The following VPS13D variants were observed in gnomAD, a reference collection of about 807,000 sequenced individuals.
VPS13D encodes vacuolar protein sorting 13 homolog D.
In VPS13D, 187 loss-of-function variants were observed where a neutral mutation model predicts 461.9. That is an observed-to-expected ratio of 0.40 (90% CI 0.36 to 0.46). The LOEUF (loss-of-function observed/expected upper bound fraction) is 0.46. Ranked by LOEUF, VPS13D falls within the 20% of genes least tolerant of loss-of-function variation. The probability of loss-of-function intolerance (pLI) is 0.60; values close to 1 mark genes in which losing one functional copy is unlikely to be tolerated. For missense variants in VPS13D, 4,711 were observed against 5,364.9 expected (o/e 0.88, Z 3.81); for synonymous variants, 1,951 against 1,986.3 (o/e 0.98, Z 0.47).
intron 60 of VPS13D, among the ~76,000 whole-genome samples, chr1:12,398,355 T>G (rs536576432): frequency 6.6e-6 from 1 of 151,722 alleles, no homozygotes; most frequent in South Asian, 2.1e-4. Context: ...GTAGTTTAAC[T>G]TTTTTTTCTT....
chr1:12,296,790 C>T (rs555953115), intron 24 of VPS13D, among the ~76,000 whole-genome samples: 34 of 152,110 alleles, frequency 2.2e-4, no homozygotes, highest in African/African-American at 8.2e-4. Flanking sequence ...TTGTTGTGTG[C>T]ATTTAAAACA....
rs189243687 is a variant in VPS13D, at chr1:12,406,008, G to A, written c.12030+2035G>A. ...TGTGTGCGCTCGGCATACAATCAAC[G>A]AAATCATTTCAGTTGAATGTTTCAT... is the stretch of plus-strand genomic sequence containing the variant. On this transcript the variant is annotated intron_variant, in intron 63 of 69. Coordinates refer to ENST00000620676, the MANE Select transcript of VPS13D (RefSeq NM_015378.4). Among the ~76,000 whole-genome samples, 440 of 152,202 alleles carry A rather than the reference G, an allele frequency of 2.9e-3. 6 individuals carry two copies. The highest frequency in any genetic ancestry group is 0.028 in the Admixed American group (425 of 15,278).
At chr1:12,447,996 G>A (rs541026436) in intron 65 of VPS13D, among the ~76,000 whole-genome samples, 1 of 152,334 alleles carries the variant, frequency 6.6e-6, no homozygotes, top group South Asian at 2.1e-4. Context: ...GAACCGGAGA[G>A]CACTCATTGG....
Position 12,276,812 on chromosome 1 carries a change from A to G in VPS13D, c.3224A>G (p.Glu1075Gly). ...TCACTTGACAAAATTCTTACCAAAGAGCAAGAGTCCCTTATTAAGTTGGAA... is the reference window on the plus strand; with the variant it reads ...TCACTTGACAAAATTCTTACCAAAGGGCAAGAGTCCCTTATTAAGTTGGAA... Reference protein sequence around the residue: ...SVSLDKILTKEQESLIKLEYQ... With the variant: ...SVSLDKILTKGQESLIKLEYQ... Residue 1075 changes from glutamate to glycine, a missense_variant, in exon 19 of 70, where the codon GAG becomes GGG. Transcript: ENST00000620676. The surrounding 1 kb of genome is among the most constrained non-coding windows in gnomAD (Gnocchi z 4.5). 5 of 1,614,206 alleles carry G rather than the reference A, an allele frequency of 3.1e-6. No individual in the cohort carries two copies. Among genetic ancestry groups the G allele is most frequent in the Non-Finnish European group, 4.2e-6 (5 of 1,180,036 alleles).
Position 12,268,897 on chromosome 1 carries a change from G to A in VPS13D, c.1972+21G>A. ...CTCAGGTTAACTTTTTTGTTTGTTT[G>A]ATCTTATGTTCCTTTTGAAAAACAT... is the stretch of plus-strand genomic sequence containing the variant. On this transcript the variant is annotated intron_variant, in intron 16 of 69. Coordinates refer to ENST00000620676, the MANE Select transcript of VPS13D (RefSeq NM_015378.4). The A allele has an allele frequency of 2.5e-6, 4 of 1,599,610 alleles. No homozygotes were observed. In the South Asian group the frequency reaches 3.4e-5, roughly 14 times the overall value.
chr1:12,504,195 C>G (rs530148317), intron 68 of VPS13D, among the ~76,000 whole-genome samples: 37 of 152,060 alleles, frequency 2.4e-4, no homozygotes, highest in Non-Finnish European at 5.0e-4. Flanking sequence ...GATGATGATG[C>G]AACCCAAAGC....
At position 12,326,025 on chromosome 1, in the gene VPS13D, G is replaced by A. The variant is rs546917257; in HGVS notation, c.7991-1623G>A. ...TTTTAAAATTTTTTTTGGGGCTCTT[G>A]AATCGACAAATCTTTTTCTAAAAAA... On this transcript the variant is annotated intron_variant, in intron 35 of 69. Coordinates refer to ENST00000620676, the MANE Select transcript of VPS13D (RefSeq NM_015378.4). Among the ~76,000 whole-genome samples the A allele has an allele frequency of 1.5e-3, 206 of 138,682 alleles. 4 individuals carry two copies. Among genetic ancestry groups the A allele is most frequent in the African/African-American group, 5.5e-3 (201 of 36,644 alleles). The allele number at this position is 138,682 out of a possible 152,430, so 91.0% of individuals were successfully genotyped here.
rs535501548 is a variant in VPS13D, at chr1:12,460,349, A to G, written c.12615A>G (p.Ser4205=). The part of the protein sequence containing the change: ...KPVAGALDFA[S]ETAQAVRDTA... ...TGGCAGGCGCCCTGGATTTTGCATC[A>G]GAAACAGCCCAGGCGGTGAGAGACA... The change falls in exon 67 of 70, where the codon TCA becomes TCG. Residue 4205 remains serine, a synonymous_variant. Coordinates refer to ENST00000620676, the MANE Select transcript of VPS13D (RefSeq NM_015378.4). 3 of 1,612,816 alleles carry G rather than the reference A, an allele frequency of 1.9e-6. No homozygotes were observed. In the South Asian group the frequency reaches 3.3e-5, roughly 18 times the overall value.
chr1:12,371,943 C>G (rs2101630598), intron 54 of VPS13D, among the ~76,000 whole-genome samples: 1 of 152,312 alleles, frequency 6.6e-6, no homozygotes, highest in Non-Finnish European at 1.5e-5. Context: ...TTTTGAGGAA[C>G]CGCCATACTG....
Position 12,283,638 on chromosome 1 carries a change from C to T in VPS13D, c.5536C>T (p.Leu1846=), listed in dbSNP as rs753581881. Residue 1846 remains leucine (L), a synonymous_variant, in exon 21 of 70, where the codon CTG becomes TTG. Coordinates refer to ENST00000620676, the MANE Select transcript of VPS13D (RefSeq NM_015378.4). The stretch of plus-strand genomic sequence containing the variant: ...CACTGCAGACAACCACGCAATGAGG[C>T]TGCCTCCTGAGGGCATTCTGCACAA... ...GSTADNHAMR[L]PPEGILHNVK... The T allele has an allele frequency of 6.2e-7, 1 of 1,614,184 alleles. No homozygotes were observed. The highest frequency in any genetic ancestry group is 1.1e-5 in the South Asian group (1 of 91,088).
intron 40 of VPS13D, among the ~76,000 whole-genome samples, chr1:12,338,506 C>T (rs1643499241): frequency 6.6e-6 from 1 of 152,130 alleles, no homozygotes; most frequent in South Asian, 2.1e-4. Context: ...TCCCTTCCAT[C>T]TCCCTTAACT....
At chr1:12,421,944 C>G (rs747798146) in intron 65 of VPS13D, among the ~76,000 whole-genome samples, 2 of 152,192 alleles carry the variant, frequency 1.3e-5, no homozygotes, top group Non-Finnish European at 2.9e-5. Flanking sequence ...ACCTCAGCCT[C>G]CAGAGTAGCA....
At chr1:12,333,604 C>T (rs148434677) in intron 38 of VPS13D, among the ~76,000 whole-genome samples, 2 of 152,304 alleles carry the variant, frequency 1.3e-5, no homozygotes, top group East Asian at 1.9e-4. Context: ...ACTTAGGAAA[C>T]GTAAATGGCC....
intron 23 of VPS13D, among the ~76,000 whole-genome samples, chr1:12,291,629 C>G (rs1642134443): frequency 6.6e-6 from 1 of 152,114 alleles, no homozygotes; most frequent in African/African-American, 2.4e-5. Flanking sequence ...TCTCAACACA[C>G]ACACGCACAC....
intron 65 of VPS13D, among the ~76,000 whole-genome samples, chr1:12,432,073 A>G (rs2100301628): frequency 6.6e-6 from 1 of 152,268 alleles, no homozygotes; most frequent in East Asian, 1.9e-4. Flanking sequence ...TAGAATTGTC[A>G]TCGGGTTCTT....
intron 1 of VPS13D, among the ~76,000 whole-genome samples, chr1:12,231,918 A>T (rs1214673307): frequency 6.6e-6 from 1 of 152,092 alleles, no homozygotes; most frequent in African/African-American, 2.4e-5. Context: ...AACCCAGGAG[A>T]TGGCGGTTGC....
At chr1:12,306,413 G>A (rs976428869) in intron 26 of VPS13D, among the ~76,000 whole-genome samples, 1 of 152,136 alleles carries the variant, frequency 6.6e-6, no homozygotes, top group Non-Finnish European at 1.5e-5. Flanking sequence ...ACACAGAGGG[G>A]GCTGCACCTG....
At chr1:12,323,803 A>G in intron 35 of VPS13D, 23 bp downstream of exon 35, 1 of 1,611,254 alleles carries the variant, frequency 6.2e-7, no homozygotes, top group South Asian at 1.1e-5. Context: ...GGGTTCTGTT[A>G]CCCGTTGTTT....
intron 23 of VPS13D, among the ~76,000 whole-genome samples, chr1:12,292,980 A>T (rs1444166612): frequency 6.6e-6 from 1 of 152,172 alleles, no homozygotes. Flanking sequence ...ATTTAATAAT[A>T]TTTTTATGGC....
Sources: gnomAD v4.1 joint callset for allele counts (sites outside exome capture counted in the v4.1 genomes callset) on GRCh38, gnomAD v4.1.1 for gene constraint, Gnocchi (gnomAD v3.1) non-coding constraint, MANE v1.5 for transcripts, NCBI Gene and HGNC (gene_info 2026-07-23, HGNC 2026-07-21) for gene names.